GAB2: variants seen among roughly 807,000 people sequenced by gnomAD.
GAB2 encodes GRB2 associated binding protein 2.
GAB2 carries 26 observed loss-of-function variants against 65.5 expected under a neutral mutation model. The ratio of observed to expected loss-of-function variants is 0.40; its 90% CI spans 0.29 to 0.55. GAB2 has a LOEUF of 0.55. Ranked by LOEUF, GAB2 falls within the 20% of genes least tolerant of loss-of-function variation. The pLI is 0.53. For missense variants in GAB2, 884 were observed against 875.8 expected (o/e 1.01, Z -0.12); for synonymous variants, 321 against 329.6 (o/e 0.97, Z 0.28).
chr11:78,265,814 T>C (rs981796994), intron 2 of GAB2, among the ~76,000 whole-genome samples: 1 of 152,220 alleles, frequency 6.6e-6, no homozygotes, highest in Non-Finnish European at 1.5e-5. Context: ...TAAAGCTTTC[T>C]GTTCTCCCCA....
At chr11:78,377,646 G>A (rs1029501147) in intron 1 of GAB2, among the ~76,000 whole-genome samples, 2 of 152,152 alleles carry the variant, frequency 1.3e-5, no homozygotes, top group African/African-American at 2.4e-5. Flanking sequence ...GCTTTATATG[G>A]TCCTGGGCTA....
chr11:78,227,631 C>CAA (rs55716895), intron 3 of GAB2, among the ~76,000 whole-genome samples: 2,769 of 106,094 alleles, frequency 0.026, 146 homozygotes, highest in African/African-American at 0.094. Context: ...CCATTGCCAC[C>CAA]AAAAAAAAAA....
Position 78,226,610 on chromosome 11 carries a change from G to A in GAB2, c.1062C>T (p.Arg354=), listed in dbSNP as rs2134468249. Residue 354 remains arginine (R), a synonymous_variant, in exon 4 of 10, where the codon CGC becomes CGT. Transcript: ENST00000361507. ...TTTCTGCCTGACTTGGCTTGGGGGG[G>A]CGGGGTGGGGGAGCTATGGCTGAGT... ...PGDSAIAPPP[R]PPKPSQAETP... is the part of the protein sequence containing the mutation. 1.9e-6 allele frequency: 3 copies of A among 1,611,504 alleles called. No homozygotes were observed. Among genetic ancestry groups the A allele is most frequent in the East Asian group, 2.2e-5 (1 of 44,852 alleles).
At chr11:78,368,855 T>C (rs1015126151) in intron 1 of GAB2, among the ~76,000 whole-genome samples, 1 of 152,100 alleles carries the variant, frequency 6.6e-6, no homozygotes, top group Non-Finnish European at 1.5e-5. Context: ...GGTGGGAGAA[T>C]TGCTTGAGGC....
chr11:78,306,265 C>CT (rs1294201686), intron 1 of GAB2, among the ~76,000 whole-genome samples: 1 of 152,188 alleles, frequency 6.6e-6, no homozygotes, highest in African/African-American at 2.4e-5. Context: ...GAGTCTCACT[C>CT]TGTCAGCCAG....
intron 1 of GAB2, among the ~76,000 whole-genome samples, chr11:78,305,801 G>A (rs925766632): frequency 6.6e-6 from 1 of 152,170 alleles, no homozygotes; most frequent in African/African-American, 2.4e-5. Context: ...CATTCCCAAG[G>A]TCTCAGTTTC....
At chr11:78,386,974 C>G (rs73502931) in intron 1 of GAB2, among the ~76,000 whole-genome samples, 3,732 of 152,212 alleles carry the variant, frequency 0.025, 122 homozygotes, top group African/African-American at 0.078. Context: ...ACTTTTAAAT[C>G]AAAATGACAT....
intron 1 of GAB2, among the ~76,000 whole-genome samples, chr11:78,367,787 A>G (rs1337441412): frequency 2.7e-5 from 4 of 150,650 alleles, no homozygotes; most frequent in Non-Finnish European, 5.9e-5. Context: ...TTCAGAAAAC[A>G]TCTCAGAATA....
At chr11:78,234,786 T>A (rs1240123652) in intron 3 of GAB2, among the ~76,000 whole-genome samples, 1 of 151,992 alleles carries the variant, frequency 6.6e-6, no homozygotes, top group Non-Finnish European at 1.5e-5. Context: ...CCTGACTTTA[T>A]TGTTGTTCTT....
At chr11:78,276,909 C>T (rs561145125) in intron 2 of GAB2, among the ~76,000 whole-genome samples, 1 of 152,346 alleles carries the variant, frequency 6.6e-6, no homozygotes, top group South Asian at 2.1e-4. Context: ...GCTCCGCCTC[C>T]CAGGTTCACG....
At chr11:78,404,788 G>C (rs548068764) in intron 1 of GAB2, among the ~76,000 whole-genome samples, 18 of 152,272 alleles carry the variant, frequency 1.2e-4, no homozygotes, top group Non-Finnish European at 2.4e-4. Context: ...AAGAAGGGAT[G>C]GTTAGTGGGT....
At chr11:78,338,497 G>T (rs1453714892) in intron 1 of GAB2, among the ~76,000 whole-genome samples, 1 of 152,172 alleles carries the variant, frequency 6.6e-6, no homozygotes, top group East Asian at 1.9e-4. Context: ...CTTGTAATGT[G>T]AGAAAAATCA....
At chr11:78,404,624 G>A (rs548087276) in intron 1 of GAB2, among the ~76,000 whole-genome samples, 1 of 152,352 alleles carries the variant, frequency 6.6e-6, no homozygotes, top group Non-Finnish European at 1.5e-5. Context: ...GTTGGTACTG[G>A]AGGACATTAT....
intron 1 of GAB2, among the ~76,000 whole-genome samples, chr11:78,322,654 A>G (rs1394962433): frequency 6.6e-6 from 1 of 152,180 alleles, no homozygotes; most frequent in East Asian, 1.9e-4. Flanking sequence ...AAAGGACATG[A>G]ACAGACACTT....
rs1429429444 is a variant in GAB2 at position 78,216,957 on chromosome 11, G to C, written c.*2315C>G. 1.3e-5 allele frequency: 2 copies of C among 152,266 alleles called. No individual in the cohort carries two copies. The highest frequency in any genetic ancestry group is 6.5e-5 in the Admixed American group (1 of 15,282). 9.4% of individuals were successfully genotyped at this position (152,266 alleles called of 1,614,324 possible). On this transcript the variant is annotated 3_prime_UTR_variant, in exon 10 of 10. Transcript: ENST00000361507. Reference sequence around the variant, plus strand: ...ACCAAGGCATGGCCCCTACACTTCTGAGTGGCTGGACCCATATGCTCAAAG... The same window carrying C: ...ACCAAGGCATGGCCCCTACACTTCTCAGTGGCTGGACCCATATGCTCAAAG...
At chr11:78,267,391 C>T (rs187211933) in intron 2 of GAB2, among the ~76,000 whole-genome samples, 53 of 152,334 alleles carry the variant, frequency 3.5e-4, no homozygotes, top group Non-Finnish European at 5.7e-4. Context: ...ATTTCCCAGA[C>T]TCTTCCATTT....
intron 1 of GAB2, among the ~76,000 whole-genome samples, chr11:78,415,982 G>C (rs1857190812): frequency 6.9e-6 from 1 of 145,740 alleles, no homozygotes; most frequent in African/African-American, 2.6e-5. Context: ...TATTCCACTA[G>C]CTTGTATGGA....
chr11:78,383,587 A>AAAAAAAAAAAATAAAAAAAAT (rs1856726287), intron 1 of GAB2, among the ~76,000 whole-genome samples: 7 of 149,146 alleles, frequency 4.7e-5, no homozygotes, highest in Non-Finnish European at 1.5e-5. Context: ...TCTCCAAAAA[A>AAAAAAAAAAAATAAAAAAAAT]AAAAAAAAAA....
chr11:78,223,901 C>T (rs114186845), intron 5 of GAB2, among the ~76,000 whole-genome samples: 2,389 of 152,006 alleles, frequency 0.016, 65 homozygotes, highest in African/African-American at 0.055. Context: ...GCCAACATGG[C>T]AAAACCTCCT....
Sources: allele counts gnomAD v4.1 joint callset (sites outside exome capture counted in the v4.1 genomes callset), GRCh38; gene constraint gnomAD v4.1.1; transcripts MANE v1.5; gene names NCBI Gene and HGNC (gene_info 2026-07-23, HGNC 2026-07-21).